The following TMX3 variants were observed in gnomAD, a reference collection of about 807,000 sequenced individuals.
TMX3 encodes thioredoxin related transmembrane protein 3.
Under a neutral mutation model 64.4 loss-of-function variants are expected in TMX3, and 40 were observed. The ratio of observed to expected loss-of-function variants is 0.62; its 90% CI spans 0.48 to 0.81. The LOEUF is 0.81. Among genes scored for constraint, TMX3 ranks in the 30% least tolerant of loss-of-function variants. TMX3 has a pLI of 0.00. For missense variants in TMX3, 497 were observed against 534.5 expected (o/e 0.93, Z 0.69); for synonymous variants, 189 against 175.7 (o/e 1.08, Z -0.60).
intron 1 of TMX3, chr18:68,714,181 C>G (rs544997377): frequency 8.9e-4 from 188 of 211,226 alleles, no homozygotes; most frequent in African/African-American, 4.0e-3. Context: ...TCTCATCTTA[C>G]GTCTCTTTTT....
Position 68,674,516 on chromosome 18 carries a change from G to A in TMX3, c.*2417C>T, listed in dbSNP as rs1912772052. 6.6e-6 allele frequency: 1 copy of A among 151,940 alleles called. No homozygotes were observed. Among genetic ancestry groups the A allele is most frequent in the African/African-American group, 2.4e-5 (1 of 41,386 alleles). The allele number at this position is 151,940 out of a possible 1,614,324, so 9.4% of individuals were successfully genotyped here. On this transcript the variant is annotated 3_prime_UTR_variant, in exon 16 of 16. Coordinates refer to ENST00000299608, the MANE Select transcript of TMX3 (RefSeq NM_019022.5). ...GACCCCATTATTCATATAGAATCAT[G>A]ACAAAATTTACCATGGAATTAGAAT...
At chr18:68,684,529 C>A in intron 10 of TMX3, 44 bp from the exon 11 acceptor site, 2 of 1,524,388 alleles carry the variant, frequency 1.3e-6, no homozygotes, top group Non-Finnish European at 1.8e-6. Flanking sequence ...ACCCTTATTA[C>A]ACAAACTGTT....
At chr18:68,702,220 T>C (rs381625) in intron 4 of TMX3, among the ~76,000 whole-genome samples, 1 of 149,254 alleles carries the variant, frequency 6.7e-6, no homozygotes, top group Non-Finnish European at 1.5e-5. Flanking sequence ...CTTCTTTTAG[T>C]GTTTTTTGAG....
At chr18:68,681,643 C>T in intron 13 of TMX3, 1 of 985,214 alleles carries the variant, frequency 1.0e-6, no homozygotes, top group Non-Finnish European at 1.2e-6. Context: ...AAGTTCACTC[C>T]CTTCCTCGCT....
intron 5 of TMX3, 22 bp from the exon 6 acceptor site, chr18:68,700,507 A>C: frequency 7.0e-7 from 1 of 1,426,238 alleles, no homozygotes; most frequent in Non-Finnish European, 9.5e-7. Flanking sequence ...AAAAAAAATT[A>C]AAACCTGGAT....
chr18:68,691,256 T>TTTAAAA, intron 9 of TMX3, 39 bp downstream of exon 9: 1 of 1,392,868 alleles, frequency 7.2e-7, no homozygotes, highest in Non-Finnish European at 9.9e-7. Context: ...ACATTTTAAT[T>TTTAAAA]TTAAAATGTT....
chr18:68,697,225 C>T lies in TMX3; in HGVS notation c.570+1G>A, dbSNP rs1223008343. 6.6e-7 allele frequency: 1 copy of T among 1,522,044 alleles called. No individual in the cohort carries two copies. The highest frequency in any genetic ancestry group is 9.0e-7 in the Non-Finnish European group (1 of 1,116,546). The allele number at this position is 1,522,044 out of a possible 1,614,324, so 94.3% of individuals were successfully genotyped here. A position where few individuals can be genotyped will look rare whatever the true frequency, so the allele number is the denominator to read the frequency against. On this transcript the variant is annotated splice_donor_variant, in intron 8 of 15. Coordinates refer to ENST00000299608, the MANE Select transcript of TMX3 (RefSeq NM_019022.5). LOFTEE classifies it high-confidence loss of function. ...CGTTAAAATCAAATTTTAAATATTA[C>T]CTCAGGAACCACTTCTTCTGAGGCA...
At position 68,675,139 on chromosome 18, in the gene TMX3, T is replaced by TA. The variant is rs1318463184; in HGVS notation, c.*1793dup. 1.3e-5 allele frequency: 2 copies of TA among 152,140 alleles called. No homozygotes were observed. The highest frequency in any genetic ancestry group is 4.1e-4 in the South Asian group (2 of 4,832). The allele number at this position is 152,140 out of a possible 1,614,324, so 9.4% of individuals were successfully genotyped here. A position where few individuals can be genotyped will look rare whatever the true frequency, so the allele number is the denominator to read the frequency against. On this transcript the variant is annotated 3_prime_UTR_variant, in exon 16 of 16. Coordinates refer to ENST00000299608, the MANE Select transcript of TMX3 (RefSeq NM_019022.5). ...TTACTAGGCTGAGTTTCAAATGAGG[T>TA]ATCCGTACTCATCTAAGCTTTTCAC... is the stretch of plus-strand genomic sequence containing the variant.
intron 10 of TMX3, chr18:68,686,578 G>A (rs553930253): frequency 2.7e-5 from 6 of 223,816 alleles, no homozygotes; most frequent in African/African-American, 4.7e-5. Flanking sequence ...ATGTGGTGGC[G>A]CATGCTGATT....
rs1912814029 is a variant in TMX3 at position 68,675,048 on chromosome 18, G to GA, written c.*1884dup. The GA allele has an allele frequency of 6.6e-6, 1 of 152,052 alleles. No homozygotes were observed. The highest frequency in any genetic ancestry group is 1.5e-5 in the Non-Finnish European group (1 of 67,974). 9.4% of individuals were successfully genotyped at this position (152,052 alleles called of 1,614,324 possible). A position where few individuals can be genotyped will look rare whatever the true frequency, so the allele number is the denominator to read the frequency against. On this transcript the variant is annotated 3_prime_UTR_variant, in exon 16 of 16. Transcript: ENST00000299608. Reference sequence around the variant, plus strand: ...TATGTAAATGACTAATTATAAATATGAAAAAATTCAGTGACATTTTCTATA... The same window carrying GA: ...TATGTAAATGACTAATTATAAATATGAAAAAAATTCAGTGACATTTTCTATA...
intron 7 of TMX3, 42 bp from the exon 8 acceptor site, chr18:68,697,345 A>C (rs764565228): frequency 8.3e-7 from 1 of 1,205,930 alleles, no homozygotes; most frequent in African/African-American, 1.6e-5. Flanking sequence ...GAAAAATATT[A>C]AAGGCCAAAA....
rs908735112 is a variant in TMX3 at position 68,675,652 on chromosome 18, C to A, written c.*1281G>T. ...TTACTCAATGAATAACCACTCAAAT[C>A]ATAGTTGCCTAATATAAATTCTAAA... On this transcript the variant is annotated 3_prime_UTR_variant, in exon 16 of 16. Coordinates refer to ENST00000299608, the MANE Select transcript of TMX3 (RefSeq NM_019022.5). 8.5e-5 allele frequency: 13 copies of A among 152,248 alleles called. No homozygotes were observed. The highest frequency in any genetic ancestry group is 7.2e-4 in the Admixed American group (11 of 15,276). 9.4% of individuals were successfully genotyped at this position (152,248 alleles called of 1,614,324 possible).
chr18:68,694,491 C>G lies in TMX3; in HGVS notation c.570+2735G>C, dbSNP rs146127322. 3.1e-3 allele frequency among the ~76,000 whole-genome samples: 473 copies of G among 152,330 alleles called. 4 individuals carry two copies. Among genetic ancestry groups the G allele is most frequent in the African/African-American group, 0.01 (434 of 41,578 alleles). On this transcript the variant is annotated intron_variant, in intron 8 of 15. Transcript: ENST00000299608. The stretch of plus-strand genomic sequence containing the variant: ...AGTGGCCAGATTCCACGCTTGTTCA[C>G]TCACATATCCCTTGCTGCTCCATGC...
intron 5 of TMX3, chr18:68,700,715 C>T (rs1321892699): frequency 2.1e-6 from 2 of 972,488 alleles, no homozygotes; most frequent in Admixed American, 1.2e-4. Flanking sequence ...ATATCTTACT[C>T]TGCATTTGAT....
chr18:68,687,546 A>C, intron 10 of TMX3, 121 bp downstream of exon 10: 1 of 1,468,338 alleles, frequency 6.8e-7, no homozygotes, highest in South Asian at 1.5e-5. Context: ...TGGCATTCAG[A>C]TCTAAAATAA....
chr18:68,682,984 A>AACC lies in TMX3; in HGVS notation c.849-6_849-4dup, dbSNP rs1913585144. 1.2e-6 allele frequency: 2 copies of AACC among 1,609,634 alleles called. No homozygotes were observed. Among genetic ancestry groups the AACC allele is most frequent in the African/African-American group, 2.7e-5 (2 of 74,710 alleles). On this transcript the variant is annotated splice_region_variant and splice_polypyrimidine_tract_variant and intron_variant, in intron 12 of 15. Transcript: ENST00000299608. ...CCATGTGGCCAAACTGAAAATCCCT[A>AACC]ACCACCACCAACCAAAAATAAATAA...
intron 3 of TMX3, 102 bp downstream of exon 3, chr18:68,711,262 T>A (rs1035140295): frequency 2.8e-5 from 20 of 705,712 alleles, no homozygotes; most frequent in Non-Finnish European, 4.4e-5. Context: ...AGTATATACA[T>A]AAGCACTAGC....
intron 5 of TMX3, 77 bp downstream of exon 5, chr18:68,701,668 C>T: frequency 6.3e-7 from 1 of 1,595,320 alleles, no homozygotes; most frequent in Non-Finnish European, 8.6e-7. Flanking sequence ...AGGGAATCTA[C>T]TAGAAATTAA....
At chr18:68,703,294 T>A (rs1458223588) in intron 4 of TMX3, among the ~76,000 whole-genome samples, 1 of 152,216 alleles carries the variant, frequency 6.6e-6, no homozygotes, top group Admixed American at 6.5e-5. Context: ...ATATAATTGA[T>A]TGGGGGACAA....
Sources: allele counts gnomAD v4.1 joint callset (sites outside exome capture counted in the v4.1 genomes callset), GRCh38; gene constraint gnomAD v4.1.1; transcripts MANE v1.5; gene names NCBI Gene and HGNC (gene_info 2026-07-23, HGNC 2026-07-21).